SHANK2: variants seen among roughly 807,000 people sequenced by gnomAD.
SHANK2 encodes the protein SH3 and multiple ankyrin repeat domains 2.
A neutral mutation model predicts 133.7 loss-of-function variants in SHANK2; 43 were observed. The ratio of observed to expected loss-of-function variants is 0.32; its 90% CI spans 0.25 to 0.41. The LOEUF is 0.41. Ranked by LOEUF, SHANK2 falls within the 10% of genes least tolerant of loss-of-function variation. The pLI, the probability that SHANK2 is intolerant of heterozygous loss-of-function variation, is 1.00. For synonymous variants in SHANK2, 1,017 were observed against 952.8 expected (o/e 1.07, Z -1.24); for missense variants, 1,994 against 2,235.8 (o/e 0.89, Z 2.18).
At chr11:70,779,307 CA>C (rs1168116456) in intron 14 of SHANK2, among the ~76,000 whole-genome samples, 1 of 151,410 alleles carries the variant, frequency 6.6e-6, no homozygotes. Context: ...GGTTGTTTAA[CA>C]AAAACATAAT....
At chr11:71,211,693 GCTCCCCCATCCT>G (rs1228907543) in intron 2 of SHANK2, among the ~76,000 whole-genome samples, 2 of 147,296 alleles carry the variant, frequency 1.4e-5, no homozygotes, top group Admixed American at 6.8e-5. Flanking sequence ...CACTCCTCAA[GCTCCCCCATCCT>G]CTCCCTCAGT....
intron 10 of SHANK2, chr11:70,910,958 G>A (rs962557964): frequency 8.8e-6 from 4 of 456,618 alleles, no homozygotes; most frequent in East Asian, 1.4e-4. Context: ...CACATAATTC[G>A]ATTTTTGCTA....
chr11:70,709,725 G>A (rs1290407059), intron 14 of SHANK2, among the ~76,000 whole-genome samples: 1 of 152,152 alleles, frequency 6.6e-6, no homozygotes, highest in Non-Finnish European at 1.5e-5. Flanking sequence ...GGCAGAGACA[G>A]CTGGCAAAGG....
At chr11:70,623,034 G>C (rs2060852409) in intron 17 of SHANK2, among the ~76,000 whole-genome samples, 1 of 152,174 alleles carries the variant, frequency 6.6e-6, no homozygotes, top group Non-Finnish European at 1.5e-5. Context: ...AAATTAGCCA[G>C]GCATGGTGGC....
chr11:71,085,797 ACAACATAATATATTATGT>A (rs1951389832), intron 8 of SHANK2, among the ~76,000 whole-genome samples: 2 of 67,096 alleles, frequency 3.0e-5, no homozygotes, highest in Non-Finnish European at 4.9e-5. Flanking sequence ...AATATATGAT[ACAACATAATATATTATGT>A]TATATTATAT....
At chr11:70,724,685 T>C (rs1946143226) in intron 14 of SHANK2, among the ~76,000 whole-genome samples, 1 of 152,212 alleles carries the variant, frequency 6.6e-6, no homozygotes, top group South Asian at 2.1e-4. Flanking sequence ...GCCAACCACG[T>C]CCTGTGGAGA....
chr11:71,168,364 C>T (rs1221955680), intron 2 of SHANK2, among the ~76,000 whole-genome samples: 22,174 of 129,912 alleles, frequency 0.17, 1,215 homozygotes, highest in African/African-American at 0.23. Context: ...CAGAGGGGCT[C>T]CTCACATCCC....
intron 14 of SHANK2, among the ~76,000 whole-genome samples, chr11:70,752,529 AGC>A (rs1946772507): frequency 6.6e-6 from 1 of 151,900 alleles, no homozygotes; most frequent in Non-Finnish European, 1.5e-5. Flanking sequence ...CCACGGTGAA[AGC>A]CCGTCTCTAC....
At chr11:70,954,126 G>A (rs1287723036) in intron 10 of SHANK2, among the ~76,000 whole-genome samples, 1 of 152,344 alleles carries the variant, frequency 6.6e-6, no homozygotes, top group African/African-American at 2.4e-5. Flanking sequence ...GGGAGAAAAC[G>A]CCATGACCTT....
intron 11 of SHANK2, among the ~76,000 whole-genome samples, chr11:70,827,070 A>G (rs1948653417): frequency 1.3e-5 from 2 of 152,226 alleles, no homozygotes; most frequent in Non-Finnish European, 1.5e-5. Context: ...GGGGGAGGGA[A>G]GCGTACAAGT....
At chr11:70,759,502 C>T (rs1946944890) in intron 14 of SHANK2, among the ~76,000 whole-genome samples, 1 of 152,056 alleles carries the variant, frequency 6.6e-6, no homozygotes, top group African/African-American at 2.4e-5. Context: ...AACAAAAAAG[C>T]AAAACTGAGT....
chr11:70,599,826 A>G (rs1554990464), intron 17 of SHANK2, among the ~76,000 whole-genome samples: 1 of 147,990 alleles, frequency 6.8e-6, no homozygotes, highest in East Asian at 1.9e-4. Flanking sequence ...AGAAGGAAGG[A>G]AGGAAGGAAG....
chr11:70,518,411 G>A (rs1248291661), intron 17 of SHANK2, among the ~76,000 whole-genome samples: 4 of 152,194 alleles, frequency 2.6e-5, no homozygotes, highest in Admixed American at 1.3e-4. Flanking sequence ...CCTAAAAAGC[G>A]ACTGCATTCC....
At position 70,530,465 on chromosome 11, in the gene SHANK2, A is replaced by G. The variant is rs556323363; in HGVS notation, c.2062-27534T>C. 3.3e-4 allele frequency among the ~76,000 whole-genome samples: 50 copies of G among 152,206 alleles called. 1 individual carries two copies. Among genetic ancestry groups the G allele is most frequent in the African/African-American group, 1.1e-3 (44 of 41,566 alleles). On this transcript the variant is annotated intron_variant, in intron 17 of 25. Coordinates refer to ENST00000601538, the MANE Select transcript of SHANK2 (RefSeq NM_012309.5). ...GTGGGAGGATTGCTTGAGCCCGGGA[A>G]TTTGAGGCTGCACTGAGCTATGATC...
At chr11:71,090,342 C>T (rs1951487768) in intron 8 of SHANK2, among the ~76,000 whole-genome samples, 2 of 46,788 alleles carry the variant, frequency 4.3e-5, no homozygotes, top group African/African-American at 1.9e-4. Flanking sequence ...TCCAGAGAAA[C>T]ACAACCTCTG....
intron 14 of SHANK2, among the ~76,000 whole-genome samples, chr11:70,775,482 A>T (rs1947343135): frequency 6.6e-6 from 1 of 152,286 alleles, no homozygotes; most frequent in East Asian, 1.9e-4. Context: ...ATTATTTTGC[A>T]GACTGCTTTG....
At chr11:70,576,668 A>G (rs1339800186) in intron 17 of SHANK2, among the ~76,000 whole-genome samples, 1 of 151,554 alleles carries the variant, frequency 6.6e-6, no homozygotes, top group Non-Finnish European at 1.5e-5. Context: ...AAAACCCCAC[A>G]CTCCCAGGCC....
At chr11:70,942,145 C>T (rs1318806103) in intron 10 of SHANK2, among the ~76,000 whole-genome samples, 1 of 152,022 alleles carries the variant, frequency 6.6e-6, no homozygotes, top group Non-Finnish European at 1.5e-5. Flanking sequence ...TGAGATCACA[C>T]CACTGCACTT....
intron 2 of SHANK2, among the ~76,000 whole-genome samples, chr11:71,158,401 T>A (rs1403880018): frequency 6.6e-6 from 1 of 152,022 alleles, no homozygotes; most frequent in African/African-American, 2.4e-5. Flanking sequence ...TCTAACACAA[T>A]ATGTATGAGA....
Sources: allele counts gnomAD v4.1 joint callset (sites outside exome capture counted in the v4.1 genomes callset), GRCh38; gene constraint gnomAD v4.1.1; transcripts MANE v1.5; gene names NCBI Gene and HGNC (gene_info 2026-07-23, HGNC 2026-07-21).